The following APOH variants were observed in gnomAD, a reference collection of about 807,000 sequenced individuals.
APOH encodes beta-2-glycoprotein 1.
In APOH, 48 loss-of-function variants were observed where a neutral mutation model predicts 39.8. The ratio of observed to expected loss-of-function variants is 1.21; its 90% confidence interval spans 0.96 to 1.54. APOH has a LOEUF of 1.54. Ranked by LOEUF, APOH falls within the 40% of genes most tolerant of loss-of-function variation. The probability of loss-of-function intolerance (pLI) is 0.00; values close to 1 mark genes in which losing one functional copy is unlikely to be tolerated. For missense variants in APOH, 415 were observed against 421.2 expected (o/e 0.99, Z 0.13); for synonymous variants, 153 against 151.1 (o/e 1.01, Z -0.09).
chr17:66,227,269 AG>A (rs573417140), intron 2 of APOH, among the ~76,000 whole-genome samples: 62 of 152,358 alleles, frequency 4.1e-4, no homozygotes, highest in South Asian at 1.0e-3. Context: ...AAAAAAGCAT[AG>A]TAAAATCAAC....
intron 5 of APOH, among the ~76,000 whole-genome samples, chr17:66,219,671 C>A (rs2073385791): frequency 6.6e-6 from 1 of 152,194 alleles, no homozygotes; most frequent in African/African-American, 2.4e-5. Context: ...GTAAGCCCAG[C>A]ACTTTGAGAG....
At chr17:66,214,334 C>G in intron 7 of APOH, 119 bp downstream of exon 7, 5 of 935,782 alleles carry the variant, frequency 5.3e-6, no homozygotes, top group Non-Finnish European at 6.7e-6. Flanking sequence ...GCTGGGATTA[C>G]AGGCGTGACC....
At chr17:66,213,460 A>G (rs901842711) in intron 7 of APOH, among the ~76,000 whole-genome samples, 4 of 152,248 alleles carry the variant, frequency 2.6e-5, no homozygotes, top group Admixed American at 1.3e-4. Flanking sequence ...ACCAATTATC[A>G]TTGCCATGAG....
intron 4 of APOH, 98 bp downstream of exon 4, chr17:66,223,600 T>C: frequency 9.6e-7 from 1 of 1,040,480 alleles, no homozygotes. Flanking sequence ...ATTCATCTCA[T>C]TGAGCTGTGA....
Position 66,226,088 on chromosome 17 carries a change from C to G in APOH, c.278G>C (p.Gly93Ala). 4 of 1,613,452 alleles carry G rather than the reference C, an allele frequency of 2.5e-6. No individual in the cohort carries two copies. Reference protein sequence around the residue: ...VCPFAGILENGAVRYTTFEYP... With the variant: ...VCPFAGILENAAVRYTTFEYP... Reference sequence around the variant, plus strand: ...TTCAAAAGTCGTATAGCGTACGGCTCCATTTTCTAAGATTCCAGCAAAAGG... The same window carrying G: ...TTCAAAAGTCGTATAGCGTACGGCTGCATTTTCTAAGATTCCAGCAAAAGG... The change falls in exon 3 of 8, where the codon GGA (glycine) becomes GCA (alanine). Residue 93 changes from glycine (G) to alanine (A), a missense_variant. Transcript: ENST00000205948.
intron 5 of APOH, among the ~76,000 whole-genome samples, chr17:66,219,002 A>G (rs981346797): frequency 1.3e-5 from 2 of 151,870 alleles, no homozygotes; most frequent in African/African-American, 4.8e-5. Context: ...AGAGTGAGAC[A>G]CCATTTCAAA....
At position 66,226,110 on chromosome 17, in the gene APOH, A is replaced by G. The variant is rs777314989; in HGVS notation, c.256T>C (p.Phe86Leu). The change falls in exon 3 of 8, where the codon TTT becomes CTT. Residue 86 changes from phenylalanine (F) to leucine (L), a missense_variant. By Grantham distance (22) the Phe-to-Leu change is conservative. This residue lies in a region of APOH where 288 missense variants were observed against 284.9 expected (regional missense o/e 1.01). Transcript: ENST00000205948. ...GCTCCATTTTCTAAGATTCCAGCAA[A>G]AGGACATACTCTGGCTGTGATACAA... ...TLKCTPRVCP[F>L]AGILENGAVR... The G allele has an allele frequency of 6.2e-7, 1 of 1,613,146 alleles. No individual in the cohort carries two copies. The highest frequency in any genetic ancestry group is 1.1e-5 in the South Asian group (1 of 90,820).
chr17:66,217,691 C>T (rs756835759), intron 5 of APOH, among the ~76,000 whole-genome samples: 28 of 152,182 alleles, frequency 1.8e-4, no homozygotes, highest in African/African-American at 6.0e-4. Context: ...TGGCTCACTT[C>T]GGTCATCCTG....
At position 66,220,684 on chromosome 17, in the gene APOH, T is replaced by C. The variant is rs148622006; in HGVS notation, c.474A>G (p.Pro158=). 4.9e-5 allele frequency: 79 copies of C among 1,614,170 alleles called. No homozygotes were observed. The African/African-American group carries it at 9.1e-4, about 19-fold the overall frequency. ...GATAGAGGGAATTGTTTCCAGCTGATGGCTTATAAACACGAAGTGTTGCAA... is the reference window on the plus strand; with the variant it reads ...GATAGAGGGAATTGTTTCCAGCTGACGGCTTATAAACACGAAGTGTTGCAA... ...PTFATLRVYK[P]SAGNNSLYRD... The change falls in exon 5 of 8, where the codon CCA becomes CCG. Residue 158 remains proline (P), a synonymous_variant. Coordinates refer to ENST00000205948, the MANE Select transcript of APOH (RefSeq NM_000042.3).
chr17:66,214,165 T>C (rs1272629115), intron 7 of APOH, among the ~76,000 whole-genome samples: 1 of 152,168 alleles, frequency 6.6e-6, no homozygotes, highest in East Asian at 1.9e-4. Context: ...GTTCAAGTGA[T>C]GCTCCTGCCT....
chr17:66,215,659 C>T (rs1030030457), intron 6 of APOH, among the ~76,000 whole-genome samples: 3 of 152,096 alleles, frequency 2.0e-5, no homozygotes, highest in Non-Finnish European at 4.4e-5. Flanking sequence ...AGTTCTAATG[C>T]TAGGCTGTTG....
At position 66,229,329 on chromosome 17, in the gene APOH, A is replaced by G; in HGVS notation, c.51T>C (p.Ala17=). 6.2e-7 allele frequency: 1 copy of G among 1,613,700 alleles called. No individual in the cohort carries two copies. The part of the protein sequence containing the change: ...ILFSSFLCHV[A]IAGRTCPKPD... Reference sequence around the variant, plus strand: ...AAAAGTACTTACTCCGTCCTGCAATAGCAACATGGCAGAGAAAACTCGAGA... The same window carrying G: ...AAAAGTACTTACTCCGTCCTGCAATGGCAACATGGCAGAGAAAACTCGAGA... Residue 17 remains alanine, a synonymous_variant, in exon 1 of 8, where the codon GCT becomes GCC. Transcript: ENST00000205948.
intron 7 of APOH, among the ~76,000 whole-genome samples, chr17:66,213,753 C>A (rs186448684): frequency 6.6e-6 from 1 of 152,196 alleles, no homozygotes; most frequent in Admixed American, 6.5e-5. Flanking sequence ...GCCTTGGCAA[C>A]ATGGCATAAT....
In APOH at chr17:66,226,089, C is replaced by A; in HGVS notation, c.277G>T (p.Gly93Ter). The A allele has an allele frequency of 9.9e-6, 16 of 1,613,238 alleles. No individual in the cohort carries two copies. Among genetic ancestry groups the A allele is most frequent in the Non-Finnish European group, 1.3e-5 (15 of 1,179,622 alleles). Reference protein sequence around the residue: ...VCPFAGILENGAVRYTTFEYP... With the variant: ...VCPFAGILEN ...TCAAAAGTCGTATAGCGTACGGCTC[C>A]ATTTTCTAAGATTCCAGCAAAAGGA... The change falls in exon 3 of 8, where the codon GGA (glycine) becomes TGA (stop). Residue 93 changes from glycine to a stop codon, truncating the protein, a stop_gained. Coordinates refer to ENST00000205948, the MANE Select transcript of APOH (RefSeq NM_000042.3). LOFTEE classifies it high-confidence loss of function.
chr17:66,224,631 A>G (rs2073424505), intron 3 of APOH, among the ~76,000 whole-genome samples: 1 of 120,962 alleles, frequency 8.3e-6, no homozygotes, highest in South Asian at 3.0e-4. Context: ...GAAAGAAGAA[A>G]GGAAGAGAAG....
intron 6 of APOH, among the ~76,000 whole-genome samples, chr17:66,215,695 G>A (rs1293413691): frequency 6.6e-6 from 1 of 152,150 alleles, no homozygotes; most frequent in East Asian, 1.9e-4. Flanking sequence ...GCATGACACT[G>A]ATGGGATCAA....
At chr17:66,224,478 A>AAAG (rs2073422212) in intron 3 of APOH, among the ~76,000 whole-genome samples, 1 of 144,826 alleles carries the variant, frequency 6.9e-6, no homozygotes, top group African/African-American at 2.5e-5. Flanking sequence ...TGTAAAAAAA[A>AAAG]AAAAAAAAAA....
chr17:66,220,460 A>C, intron 5 of APOH, 94 bp downstream of exon 5: 1 of 1,252,704 alleles, frequency 8.0e-7, no homozygotes, highest in South Asian at 1.4e-5. Flanking sequence ...GAATGAGTTC[A>C]TTGGAAACAC....
intron 7 of APOH, among the ~76,000 whole-genome samples, chr17:66,212,662 A>T (rs1374145687): frequency 6.6e-6 from 1 of 152,226 alleles, no homozygotes; most frequent in Non-Finnish European, 1.5e-5. Flanking sequence ...TACAAGTGTG[A>T]GCCACTGCGC....
Sources: gnomAD v4.1 joint callset for allele counts (sites outside exome capture counted in the v4.1 genomes callset) on GRCh38, gnomAD v4.1.1 for gene constraint, gnomAD v4.1.1 regional missense constraint, MANE v1.5 for transcripts, NCBI Gene and HGNC (gene_info 2026-07-23, HGNC 2026-07-21) for gene names.